The following OTUD7A variants were observed in gnomAD, a reference collection of about 807,000 sequenced individuals.
OTUD7A encodes the protein OTU domain-containing protein 7A.
OTUD7A carries 12 observed loss-of-function variants against 65.7 expected under a neutral mutation model. The observed-to-expected ratio is 0.18, with a 90% CI of 0.12 to 0.30. OTUD7A has a LOEUF of 0.30. OTUD7A is among the 10% of genes least tolerant of loss of function. The pLI is 1.00. For missense variants in OTUD7A, 1,148 were observed against 1,304.8 expected, an observed-to-expected ratio of 0.88 and a Z score of 1.85; for synonymous variants, 641 against 586.3, an observed-to-expected ratio of 1.09 and a Z score of -1.35.
chr15:31,610,593 TTATATA>T (rs1244768576), intron 3 of OTUD7A, among the ~76,000 whole-genome samples: 17 of 81,012 alleles, frequency 2.1e-4, no homozygotes, highest in Middle Eastern at 6.8e-3. Flanking sequence ...AAAAATGAAA[TTATATA>T]TATATATATA....
At chr15:31,820,174 T>C (rs1388419068) in intron 1 of OTUD7A, among the ~76,000 whole-genome samples, 1 of 152,210 alleles carries the variant, frequency 6.6e-6, no homozygotes, top group Non-Finnish European at 1.5e-5. Flanking sequence ...CAGTAAATTA[T>C]CTTGCAAGCA....
rs1385460356 is a variant in OTUD7A at position 31,483,677 on chromosome 15, G to C, written c.2419C>G (p.Gln807Glu). The change falls in exon 13 of 13, where the codon CAG becomes GAG. Residue 807 changes from glutamine (Q) to glutamate (E), a missense_variant. Coordinates refer to ENST00000307050, the MANE Select transcript of OTUD7A (RefSeq NM_001382637.1). ...CTCTGCGACGACAGCGAGCGGTTCTGCTGCGGGTACGTGGCGCACGGCCGC... is the reference window on the plus strand; with the variant it reads ...CTCTGCGACGACAGCGAGCGGTTCTCCTGCGGGTACGTGGCGCACGGCCGC... ...ALRPCATYPQ[Q>E]NRSLSSQSYS... The C allele has an allele frequency of 2.2e-5, 26 of 1,166,904 alleles. No individual in the cohort carries two copies. Among genetic ancestry groups the C allele is most frequent in the African/African-American group, 3.3e-5 (2 of 61,246 alleles). The allele number at this position is 1,166,904 out of a possible 1,614,324, so 72.3% of individuals were successfully genotyped here.
chr15:31,531,671 C>T (rs889609793), intron 5 of OTUD7A, among the ~76,000 whole-genome samples: 1 of 152,052 alleles, frequency 6.6e-6, no homozygotes, highest in Non-Finnish European at 1.5e-5. Context: ...ATAACCCGAC[C>T]ACCACCCCTG....
intron 1 of OTUD7A, among the ~76,000 whole-genome samples, chr15:31,787,986 G>A (rs1302164898): frequency 1.3e-5 from 2 of 152,150 alleles, no homozygotes; most frequent in African/African-American, 2.4e-5. Flanking sequence ...CAATTATCTT[G>A]TAGTTGGCCA....
chr15:31,570,792 T>C (rs970931889), intron 3 of OTUD7A, among the ~76,000 whole-genome samples: 5 of 151,896 alleles, frequency 3.3e-5, no homozygotes, highest in African/African-American at 1.2e-4. Flanking sequence ...TCAGCAGGGC[T>C]CCCACCCCGA....
chr15:31,502,681 C>T (rs1053415423), intron 9 of OTUD7A, among the ~76,000 whole-genome samples: 1 of 152,268 alleles, frequency 6.6e-6, no homozygotes, highest in African/African-American at 2.4e-5. Flanking sequence ...GAAGCGTGGA[C>T]CTTCCTCTGC....
Position 31,629,266 on chromosome 15 carries a change from A to C in OTUD7A, c.151+25830T>G, listed in dbSNP as rs572515405. Reference sequence around the variant, plus strand: ...GCTCTTAATATTTTGAGATATGTCCAATCAATACCTAATTTATTGAGAGTT... The same window carrying C: ...GCTCTTAATATTTTGAGATATGTCCCATCAATACCTAATTTATTGAGAGTT... On this transcript the variant is annotated intron_variant, in intron 3 of 12. Transcript: ENST00000307050. Among the ~76,000 whole-genome samples the C allele has an allele frequency of 3.3e-5, 5 of 152,134 alleles. 1 individual carries two copies. In the South Asian group the frequency reaches 8.3e-4, roughly 25 times the overall value.
intron 5 of OTUD7A, chr15:31,558,001 C>T (rs1888554913): frequency 6.6e-6 from 1 of 152,252 alleles, no homozygotes; most frequent in Non-Finnish European, 1.5e-5. Context: ...TGGCTGAAGG[C>T]TGGGTCAGCA....
Position 31,481,245 on chromosome 15 carries a change from T to C in OTUD7A, c.*2049A>G, listed in dbSNP as rs911398850. The C allele has an allele frequency of 2.6e-5, 4 of 152,210 alleles. No homozygotes were observed. Among genetic ancestry groups the C allele is most frequent in the African/African-American group, 9.6e-5 (4 of 41,460 alleles). The allele number at this position is 152,210 out of a possible 1,614,324, so 9.4% of individuals were successfully genotyped here. A position where few individuals can be genotyped will look rare whatever the true frequency, so the allele number is the denominator to read the frequency against. ...TGTGCATATGAGTTTGGTTTCTGAA[T>C]GGATTATTGGAGCATTTTTAAGGTT... On this transcript the variant is annotated 3_prime_UTR_variant, in exon 13 of 13. Coordinates refer to ENST00000307050, the MANE Select transcript of OTUD7A (RefSeq NM_001382637.1).
intron 3 of OTUD7A, among the ~76,000 whole-genome samples, chr15:31,610,277 C>T (rs1464407591): frequency 6.6e-6 from 1 of 152,004 alleles, no homozygotes; most frequent in Non-Finnish European, 1.5e-5. Flanking sequence ...ATATATGCAC[C>T]TAACACCGGA....
chr15:31,771,783 T>A (rs1895240980), intron 1 of OTUD7A, among the ~76,000 whole-genome samples: 3 of 152,092 alleles, frequency 2.0e-5, no homozygotes, highest in Admixed American at 1.3e-4. Flanking sequence ...CTCTCCAACC[T>A]CTTCAGCCTC....
chr15:31,633,093 C>A (rs534244196), intron 3 of OTUD7A, among the ~76,000 whole-genome samples: 18 of 152,358 alleles, frequency 1.2e-4, no homozygotes, highest in South Asian at 4.1e-4. Flanking sequence ...ATGCCTTGCC[C>A]TGCTTCGGCC....
chr15:31,789,153 G>C (rs1595769672), intron 1 of OTUD7A, among the ~76,000 whole-genome samples: 2 of 152,140 alleles, frequency 1.3e-5, no homozygotes, highest in Non-Finnish European at 2.9e-5. Context: ...AATAGACACA[G>C]AATGTCTTCT....
intron 1 of OTUD7A, among the ~76,000 whole-genome samples, chr15:31,658,346 C>T (rs1892053463): frequency 6.6e-6 from 1 of 152,184 alleles, no homozygotes; most frequent in Non-Finnish European, 1.5e-5. Context: ...CACCAGCTTG[C>T]TGAAGGCAGG....
rs527938800 is a variant in OTUD7A at position 31,758,104 on chromosome 15, A to G, written c.-99-101027T>C. 6.3e-4 allele frequency among the ~76,000 whole-genome samples: 96 copies of G among 152,356 alleles called. 1 individual carries two copies. The highest frequency in any genetic ancestry group is 1.9e-3 in the African/African-American group (79 of 41,592). On this transcript the variant is annotated intron_variant, in intron 1 of 12. Transcript: ENST00000307050. ...TACTTTTAATGTTGACAAATTATCA[A>G]AATGGACTGAGGGACCTTAAAAGTC...
chr15:31,528,516 A>C (rs1327751887), intron 6 of OTUD7A, among the ~76,000 whole-genome samples: 1 of 152,270 alleles, frequency 6.6e-6, no homozygotes, highest in Non-Finnish European at 1.5e-5. Flanking sequence ...TTGGATATGC[A>C]ATAGCCCAGG....
At chr15:31,610,913 G>A (rs1297682819) in intron 3 of OTUD7A, among the ~76,000 whole-genome samples, 6 of 151,816 alleles carry the variant, frequency 4.0e-5, no homozygotes, top group Admixed American at 1.3e-4. Context: ...ACAGGCGTGA[G>A]CCACCATGCC....
intron 1 of OTUD7A, chr15:31,787,838 T>C (rs2140933972): frequency 6.6e-6 from 1 of 152,310 alleles, no homozygotes; most frequent in East Asian, 1.9e-4. Context: ...TTTAGAGAAA[T>C]CAGGGAGGGA....
chr15:31,631,872 T>A (rs902576380), intron 3 of OTUD7A, among the ~76,000 whole-genome samples: 1 of 147,726 alleles, frequency 6.8e-6, no homozygotes, highest in Non-Finnish European at 1.5e-5. Context: ...TTCTTCCAGT[T>A]GATTGCATCG....
Sources: gnomAD v4.1 joint callset for allele counts (sites outside exome capture counted in the v4.1 genomes callset) on GRCh38, gnomAD v4.1.1 for gene constraint, MANE v1.5 for transcripts, NCBI Gene and HGNC (gene_info 2026-07-23, HGNC 2026-07-21) for gene names.